SLC38A1: variants seen among roughly 807,000 people sequenced by gnomAD.
The protein encoded by SLC38A1 is sodium-coupled neutral amino acid symporter 1.
In SLC38A1, 18 loss-of-function variants were observed where a neutral mutation model predicts 60.3. The observed-to-expected ratio is 0.30, with a 90% CI of 0.21 to 0.44. The LOEUF is 0.44. SLC38A1 is among the 20% of genes least tolerant of loss of function. SLC38A1 has a pLI of 1.00. For synonymous variants in SLC38A1, 196 were observed against 212.1 expected (o/e 0.92, Z 0.66); for missense variants, 448 against 587.2 (o/e 0.76, Z 2.45).
At chr12:46,202,381 C>T (rs777769424) in intron 12 of SLC38A1, among the ~76,000 whole-genome samples, 28 of 152,016 alleles carry the variant, frequency 1.8e-4, no homozygotes, top group African/African-American at 9.7e-5. Context: ...TTTTAAGATA[C>T]GCTATTGTGA....
chr12:46,197,388 T>G (rs928598862), intron 16 of SLC38A1: 1 of 184,136 alleles, frequency 5.4e-6, no homozygotes, highest in Non-Finnish European at 1.1e-5. Flanking sequence ...GGCGGGCGCC[T>G]GTAGTCCCAG....
chr12:46,196,661 C>T (rs1219912263), intron 16 of SLC38A1, among the ~76,000 whole-genome samples: 1 of 152,150 alleles, frequency 6.6e-6, no homozygotes, highest in African/African-American at 2.4e-5. Flanking sequence ...AGAGATGACC[C>T]TCCTGCCTAC....
intron 1 of SLC38A1, among the ~76,000 whole-genome samples, chr12:46,255,935 G>A (rs576702376): frequency 6.7e-4 from 102 of 152,168 alleles, no homozygotes; most frequent in East Asian, 9.7e-4. Flanking sequence ...AGGCCGAGGC[G>A]GGTGGATCAC....
At chr12:46,231,557 C>T (rs1941078217) in intron 3 of SLC38A1, among the ~76,000 whole-genome samples, 1 of 152,194 alleles carries the variant, frequency 6.6e-6, no homozygotes, top group Non-Finnish European at 1.5e-5. Flanking sequence ...ATGGTTAGAA[C>T]AAATGACAGT....
intron 1 of SLC38A1, among the ~76,000 whole-genome samples, chr12:46,253,352 G>C (rs1276886371): frequency 6.6e-6 from 1 of 152,226 alleles, no homozygotes; most frequent in Admixed American, 6.5e-5. Flanking sequence ...TCCACAGACA[G>C]AGCGGCCCCA....
At chr12:46,234,806 G>GT (rs1175738854) in intron 3 of SLC38A1, among the ~76,000 whole-genome samples, 2 of 152,120 alleles carry the variant, frequency 1.3e-5, no homozygotes, top group Non-Finnish European at 2.9e-5. Context: ...GTCAAGCAGC[G>GT]TATCACAAGT....
intron 16 of SLC38A1, among the ~76,000 whole-genome samples, chr12:46,196,925 T>C (rs1939403366): frequency 6.6e-6 from 1 of 152,216 alleles, no homozygotes; most frequent in Non-Finnish European, 1.5e-5. Flanking sequence ...AGGTCTGTTG[T>C]TCCAAAGCAT....
intron 5 of SLC38A1, among the ~76,000 whole-genome samples, chr12:46,214,815 G>A (rs181104259): frequency 6.6e-4 from 100 of 152,332 alleles, no homozygotes; most frequent in Non-Finnish European, 1.2e-3. Flanking sequence ...ACCTTTGGTA[G>A]GGGTGGAGGT....
intron 1 of SLC38A1, among the ~76,000 whole-genome samples, chr12:46,257,123 G>A (rs1942057897): frequency 6.6e-6 from 1 of 152,154 alleles, no homozygotes. Context: ...ATCTTTTCCA[G>A]CAGTCCCATC....
chr12:46,243,022 T>C (rs1018267341), intron 2 of SLC38A1, among the ~76,000 whole-genome samples, 178 bp downstream of exon 2: 6 of 152,012 alleles, frequency 3.9e-5, no homozygotes, highest in Admixed American at 3.3e-4. Flanking sequence ...GAGTATCATA[T>C]TGTAAGCATT....
chr12:46,244,922 G>A (rs1941563372), intron 1 of SLC38A1, among the ~76,000 whole-genome samples: 1 of 152,114 alleles, frequency 6.6e-6, no homozygotes, highest in African/African-American at 2.4e-5. Context: ...TTAAACACAT[G>A]TAAAAGTAGA....
At chr12:46,194,402 A>G (rs1216650888) in intron 16 of SLC38A1, among the ~76,000 whole-genome samples, 3 of 152,054 alleles carry the variant, frequency 2.0e-5, no homozygotes, top group African/African-American at 7.3e-5. Flanking sequence ...GAATCTGACA[A>G]TTATGTGTCT....
At chr12:46,207,115 A>C (rs1939941565) in intron 8 of SLC38A1, 40 bp downstream of exon 8, 2 of 1,354,250 alleles carry the variant, frequency 1.5e-6, no homozygotes, top group Non-Finnish European at 2.0e-6. Context: ...TAAATTAAAA[A>C]CATTTTAGTT....
chr12:46,255,598 C>T (rs1565796364), intron 1 of SLC38A1, among the ~76,000 whole-genome samples: 1 of 152,226 alleles, frequency 6.6e-6, no homozygotes, highest in Non-Finnish European at 1.5e-5. Context: ...AAACACATTT[C>T]ACTTTTCTTA....
At chr12:46,229,113 T>C (rs757165555) in intron 5 of SLC38A1, 40 bp downstream of exon 5, 5 of 1,182,778 alleles carry the variant, frequency 4.2e-6, no homozygotes, top group Non-Finnish European at 6.2e-6. Flanking sequence ...TACAAAAAGT[T>C]CAGTTTTAAA....
chr12:46,222,855 T>C (rs1940712268), intron 5 of SLC38A1, among the ~76,000 whole-genome samples: 1 of 152,182 alleles, frequency 6.6e-6, no homozygotes, highest in African/African-American at 2.4e-5. Context: ...ACATTTTACT[T>C]GTTGTGAACA....
intron 2 of SLC38A1, 134 bp downstream of exon 2, chr12:46,243,066 T>G (rs1941499269): frequency 7.0e-6 from 1 of 142,698 alleles, no homozygotes; most frequent in South Asian, 2.2e-4. Flanking sequence ...TAAAAAATAT[T>G]AGTTATTTAT....
At chr12:46,266,018 T>C (rs534978202) in intron 1 of SLC38A1, among the ~76,000 whole-genome samples, 31 of 152,060 alleles carry the variant, frequency 2.0e-4, no homozygotes, top group Non-Finnish European at 4.3e-4. Flanking sequence ...GGAAGGGCAG[T>C]ACGAGAAGGA....
intron 7 of SLC38A1, 73 bp downstream of exon 7, chr12:46,207,456 G>A: frequency 7.1e-7 from 1 of 1,400,848 alleles, no homozygotes; most frequent in South Asian, 1.2e-5. Context: ...CTTGAATTAT[G>A]TTAAAATTCA....
Sources: gnomAD v4.1 joint callset for allele counts (sites outside exome capture counted in the v4.1 genomes callset) on GRCh38, gnomAD v4.1.1 for gene constraint, MANE v1.5 for transcripts, NCBI Gene and HGNC (gene_info 2026-07-23, HGNC 2026-07-21) for gene names.